Variants in MOGAT2 observed in about 807,000 individuals in gnomAD.
MOGAT2 encodes the protein monoacylglycerol O-acyltransferase 2.
In MOGAT2, 27 loss-of-function variants were observed where a neutral mutation model predicts 31.5. That is an observed-to-expected ratio of 0.86 (90% confidence interval 0.63 to 1.18). MOGAT2 has a LOEUF of 1.18. Ranked by LOEUF, MOGAT2 falls within the 50% of genes most tolerant of loss-of-function variation. MOGAT2 has a pLI of 0.00. For synonymous variants in MOGAT2, 163 were observed against 170.0 expected, an observed-to-expected ratio of 0.96 and a Z score of 0.32; for missense variants, 436 against 433.2, an observed-to-expected ratio of 1.01 and a Z score of -0.06.
intron 5 of MOGAT2, chr11:75,730,931 A>AAAAG (rs1555054062): frequency 5.4e-5 from 21 of 388,456 alleles, no homozygotes; most frequent in African/African-American, 4.0e-4. Context: ...AAAAAAAAAG[A>AAAAG]AAAGAAAAGA....
chr11:75,722,495 A>G (rs940079284), intron 2 of MOGAT2, among the ~76,000 whole-genome samples: 10 of 152,008 alleles, frequency 6.6e-5, no homozygotes, highest in African/African-American at 1.7e-4. Context: ...ACCGGGGGGG[A>G]AAGGAAAAGC....
rs1378156234 is a variant in MOGAT2, at chr11:75,732,715, C to T, written c.*1429C>T. On this transcript the variant is annotated 3_prime_UTR_variant, in exon 6 of 6. Coordinates refer to ENST00000198801, the MANE Select transcript of MOGAT2 (RefSeq NM_025098.4). ...CCTTGTCTGGATAATTCCTACTCAT[C>T]CTACAATACTGATTTTATCTGTGCA... The T allele has an allele frequency of 2.0e-5, 3 of 152,202 alleles. No homozygotes were observed. The highest frequency in any genetic ancestry group is 7.2e-5 in the African/African-American group (3 of 41,422). 9.4% of individuals were successfully genotyped at this position (152,202 alleles called of 1,614,324 possible).
intron 2 of MOGAT2, among the ~76,000 whole-genome samples, chr11:75,724,774 T>C (rs1019941483): frequency 7.9e-5 from 12 of 152,210 alleles, no homozygotes; most frequent in African/African-American, 2.9e-4. Flanking sequence ...TACCAGTGTT[T>C]GGTGTATCCA....
chr11:75,731,568 G>T lies in MOGAT2; in HGVS notation c.*282G>T. The T allele has an allele frequency of 3.4e-6, 1 of 297,578 alleles. No individual in the cohort carries two copies. 18.4% of individuals were successfully genotyped at this position (297,578 alleles called of 1,614,324 possible). ...GAGTGGTCTGTTAACATTCATTGGT[G>T]GCTGATTCCAAAAGATGAGAGCCAA... On this transcript the variant is annotated 3_prime_UTR_variant, in exon 6 of 6. Transcript: ENST00000198801.
chr11:75,731,625 C>T lies in MOGAT2; in HGVS notation c.*339C>T, dbSNP rs1490856382. 4.7e-6 allele frequency: 1 copy of T among 214,656 alleles called. No homozygotes were observed. The highest frequency in any genetic ancestry group is 9.1e-6 in the Non-Finnish European group (1 of 109,540). 13.3% of individuals were successfully genotyped at this position (214,656 alleles called of 1,614,324 possible). On this transcript the variant is annotated 3_prime_UTR_variant, in exon 6 of 6. Transcript: ENST00000198801. ...ACGGACTCGAGTCCTAGGCTGCACA[C>T]CTCACAAGCATCTCTTCTACTGCAT...
chr11:75,722,921 C>T (rs1198136006), intron 2 of MOGAT2, among the ~76,000 whole-genome samples: 4 of 152,188 alleles, frequency 2.6e-5, no homozygotes, highest in Admixed American at 6.5e-5. Flanking sequence ...CCTCGATTTG[C>T]AGAAATTCTA....
intron 1 of MOGAT2, among the ~76,000 whole-genome samples, chr11:75,718,800 G>A (rs1944351946): frequency 6.6e-6 from 1 of 152,136 alleles, no homozygotes; most frequent in African/African-American, 2.4e-5. Context: ...GCTTGGGAAG[G>A]GAGAATGACT....
rs904732416 is a variant in MOGAT2, at chr11:75,725,286, G to A, written c.271-2149G>A. Among the ~76,000 whole-genome samples, 9 of 152,194 alleles carry A rather than the reference G, an allele frequency of 5.9e-5. No homozygotes were observed. The East Asian group carries it at 1.7e-3, about 29-fold the overall frequency. ...AACCACCACCAGGCCAGGCACGGAG[G>A]CTCACACCTGTACTTTGGGAGGCTA... On this transcript the variant is annotated intron_variant, in intron 2 of 5. Coordinates refer to ENST00000198801, the MANE Select transcript of MOGAT2 (RefSeq NM_025098.4).
At chr11:75,723,025 G>A (rs1944389343) in intron 2 of MOGAT2, among the ~76,000 whole-genome samples, 1 of 152,106 alleles carries the variant, frequency 6.6e-6, no homozygotes, top group African/African-American at 2.4e-5. Flanking sequence ...GCAGTGGCGT[G>A]ATCTCGGCTC....
At chr11:75,719,313 C>T (rs1237911962) in intron 1 of MOGAT2, 1 of 152,402 alleles carries the variant, frequency 6.6e-6, no homozygotes, top group Non-Finnish European at 1.5e-5. Context: ...TCCCTCCTTT[C>T]AACAACAAAC....
intron 2 of MOGAT2, among the ~76,000 whole-genome samples, chr11:75,721,044 A>C (rs1202328259): frequency 6.6e-6 from 1 of 152,108 alleles, no homozygotes; most frequent in African/African-American, 2.4e-5. Context: ...GAGAAGGGAC[A>C]GGCAGGGGCA....
In MOGAT2 at chr11:75,723,728, T is replaced by G. The variant is rs113750363; in HGVS notation, c.270+3558T>G. Among the ~76,000 whole-genome samples, 605 of 152,316 alleles carry G rather than the reference T, an allele frequency of 4.0e-3. 3 individuals carry two copies. The highest frequency in any genetic ancestry group is 0.014 in the African/African-American group (582 of 41,554). ...TATACTGAAACCCTGAATGTCATACTTTAAACGGATGCATTTTATGGTGCA... is the reference window on the plus strand; with the variant it reads ...TATACTGAAACCCTGAATGTCATACGTTAAACGGATGCATTTTATGGTGCA... On this transcript the variant is annotated intron_variant, in intron 2 of 5. Coordinates refer to ENST00000198801, the MANE Select transcript of MOGAT2 (RefSeq NM_025098.4).
intron 2 of MOGAT2, 65 bp downstream of exon 2, chr11:75,720,235 C>T (rs1944366329): frequency 2.0e-6 from 3 of 1,535,592 alleles, no homozygotes; most frequent in Admixed American, 3.6e-5. Context: ...GGCCAGAGTG[C>T]CGACGTCTCC....
intron 2 of MOGAT2, among the ~76,000 whole-genome samples, chr11:75,722,328 G>T (rs1250234198): frequency 6.6e-6 from 1 of 152,178 alleles, no homozygotes; most frequent in Non-Finnish European, 1.5e-5. Context: ...GAAGGTCAGA[G>T]TTTCCCTGGG....
chr11:75,723,705 T>C (rs1251451876), intron 2 of MOGAT2, among the ~76,000 whole-genome samples: 2 of 152,202 alleles, frequency 1.3e-5, no homozygotes, highest in African/African-American at 4.8e-5. Context: ...CTTTTAAATA[T>C]ACTGAAACCC....
In MOGAT2 at chr11:75,731,312, G is replaced by C; in HGVS notation, c.*26G>C. On this transcript the variant is annotated 3_prime_UTR_variant, in exon 6 of 6. Transcript: ENST00000198801. ...GCCCAAAGGGCAGGGCCAACATTAG[G>C]GAGCCCAGCAGGAGGTGCTGTGCTG... The C allele has an allele frequency of 6.2e-7, 1 of 1,610,730 alleles. No homozygotes were observed. Among genetic ancestry groups the C allele is most frequent in the Non-Finnish European group, 8.5e-7 (1 of 1,178,050 alleles).
At chr11:75,724,815 C>A (rs957414418) in intron 2 of MOGAT2, among the ~76,000 whole-genome samples, 1 of 152,152 alleles carries the variant, frequency 6.6e-6, no homozygotes, top group African/African-American at 2.4e-5. Context: ...CCCTTCTCTG[C>A]ACAGTTGCAA....
intron 1 of MOGAT2, 105 bp from the exon 2 acceptor site, chr11:75,719,887 G>A (rs929167501): frequency 1.7e-6 from 2 of 1,155,088 alleles, no homozygotes; most frequent in Non-Finnish European, 2.5e-6. Context: ...GATTGGACAG[G>A]ACAGTGCTGC....
chr11:75,718,003 C>A lies in MOGAT2; in HGVS notation c.91+24C>A, dbSNP rs771758357. ...GGGTAAGTTGGGCTGCACTGTAAGA[C>A]GGGAGACCACCGCACTCAGGTGGGG... is the stretch of plus-strand genomic sequence containing the variant. On this transcript the variant is annotated intron_variant, in intron 1 of 5. Transcript: ENST00000198801. The A allele has an allele frequency of 4.4e-6, 7 of 1,608,190 alleles. No individual in the cohort carries two copies. In the African/African-American group the frequency reaches 8.0e-5, roughly 18 times the overall value.
Sources: gnomAD v4.1 joint callset for allele counts (sites outside exome capture counted in the v4.1 genomes callset) on GRCh38, gnomAD v4.1.1 for gene constraint, MANE v1.5 for transcripts, NCBI Gene and HGNC (gene_info 2026-07-23, HGNC 2026-07-21) for gene names.